GLI2: variants seen among roughly 807,000 people sequenced by gnomAD.
GLI2 encodes the protein transcription activator GLI2.
Under a neutral mutation model 78.9 loss-of-function variants are expected in GLI2, and 22 were observed. That is an observed-to-expected ratio of 0.28 (90% CI 0.20 to 0.40). The LOEUF is 0.40. GLI2 is among the 10% of genes least tolerant of loss of function. The pLI is 1.00. For synonymous variants in GLI2, 974 were observed against 963.7 expected (o/e 1.01, Z -0.20); for missense variants, 2,097 against 2,213.2 (o/e 0.95, Z 1.05).
chr2:120,886,905 C>T (rs867389449), intron 2 of GLI2, among the ~76,000 whole-genome samples: 2 of 152,176 alleles, frequency 1.3e-5, no homozygotes, highest in Admixed American at 6.5e-5. Context: ...CTGTGTCAGG[C>T]GAGGCACATC....
At position 120,885,243 on chromosome 2, in the gene GLI2, C is replaced by T. The variant is rs1394890834; in HGVS notation, c.149-42118C>T. ...TGCCTTTCTCTGTTGCTGGGCCTGGCCCATGGAAGAGACCCAGTAAATAGA... is the reference window on the plus strand; with the variant it reads ...TGCCTTTCTCTGTTGCTGGGCCTGGTCCATGGAAGAGACCCAGTAAATAGA... On this transcript the variant is annotated intron_variant, in intron 2 of 13. Coordinates refer to ENST00000361492, the MANE Select transcript of GLI2 (RefSeq NM_001374353.1). 2.6e-5 allele frequency among the ~76,000 whole-genome samples: 4 copies of T among 152,316 alleles called. No individual in the cohort carries two copies. In the East Asian group the frequency reaches 7.7e-4, roughly 29 times the overall value.
chr2:120,970,010 G>A (rs1265625662), intron 6 of GLI2, among the ~76,000 whole-genome samples: 1 of 152,190 alleles, frequency 6.6e-6, no homozygotes, highest in African/African-American at 2.4e-5. Context: ...CAAGATTCCT[G>A]GATGAGGGGG....
At chr2:120,823,145 C>A (rs1470730417) in intron 2 of GLI2, among the ~76,000 whole-genome samples, 1 of 152,202 alleles carries the variant, frequency 6.6e-6, no homozygotes, top group Non-Finnish European at 1.5e-5. Context: ...GGCCGCACAC[C>A]GTCTTTGGTA....
intron 2 of GLI2, among the ~76,000 whole-genome samples, chr2:120,899,406 TACACAC>T (rs71398006): frequency 0.046 from 6,770 of 146,502 alleles, 187 homozygotes; most frequent in Middle Eastern, 0.077. Context: ...TACACACACA[TACACAC>T]ACACACACAC....
intron 3 of GLI2, among the ~76,000 whole-genome samples, chr2:120,951,016 T>A (rs1573659214): frequency 6.6e-6 from 1 of 152,168 alleles, no homozygotes; most frequent in Admixed American, 6.5e-5. Flanking sequence ...GGCCGGCGGG[T>A]GCACGCACCA....
intron 2 of GLI2, among the ~76,000 whole-genome samples, chr2:120,854,528 A>T (rs1487692850): frequency 6.6e-6 from 1 of 152,230 alleles, no homozygotes; most frequent in Non-Finnish European, 1.5e-5. Flanking sequence ...TCAGGATCCC[A>T]GAAGAACCTT....
chr2:120,842,058 CA>C (rs571517244), intron 2 of GLI2, among the ~76,000 whole-genome samples: 8,600 of 74,472 alleles, frequency 0.12, 253 homozygotes, highest in East Asian at 0.23. Flanking sequence ...TTTGTCAACT[CA>C]AAAAAAAAAA....
intron 2 of GLI2, among the ~76,000 whole-genome samples, chr2:120,884,120 T>C (rs1406613146): frequency 6.6e-6 from 1 of 152,176 alleles, no homozygotes; most frequent in Non-Finnish European, 1.5e-5. Context: ...AACACCAGCT[T>C]TCCTGGCCTA....
chr2:120,831,515 C>T (rs963382845), intron 2 of GLI2, among the ~76,000 whole-genome samples: 1 of 152,126 alleles, frequency 6.6e-6, no homozygotes, highest in Non-Finnish European at 1.5e-5. Flanking sequence ...CAGCTCACAC[C>T]CAGGAAAATA....
intron 2 of GLI2, among the ~76,000 whole-genome samples, chr2:120,912,198 GT>G (rs1678856610): frequency 6.6e-6 from 1 of 150,642 alleles, no homozygotes; most frequent in Non-Finnish European, 1.5e-5. Context: ...CTTAAACCCT[GT>G]TTATTTAAAA....
At chr2:120,849,995 A>G (rs1317884925) in intron 2 of GLI2, among the ~76,000 whole-genome samples, 1 of 152,256 alleles carries the variant, frequency 6.6e-6, no homozygotes, top group Non-Finnish European at 1.5e-5. Context: ...CATTTCATGA[A>G]AAGAAGAAGA....
chr2:120,951,199 C>T, intron 3 of GLI2, 44 bp from the exon 4 acceptor site: 4 of 1,146,218 alleles, frequency 3.5e-6, no homozygotes, highest in Non-Finnish European at 1.3e-6. Context: ...GGTGGGGTTC[C>T]CTCTGTGTCC....
intron 2 of GLI2, among the ~76,000 whole-genome samples, chr2:120,919,443 C>T (rs547136294): frequency 4.6e-5 from 7 of 152,216 alleles, no homozygotes; most frequent in Admixed American, 2.6e-4. Flanking sequence ...GCTTTGTGTG[C>T]GAGTGCTGGC....
chr2:120,901,938 G>T (rs569122230), intron 2 of GLI2, among the ~76,000 whole-genome samples: 1 of 152,066 alleles, frequency 6.6e-6, no homozygotes, highest in East Asian at 1.9e-4. Flanking sequence ...GTAGAAAATC[G>T]TATTAATTTG....
intron 1 of GLI2, among the ~76,000 whole-genome samples, chr2:120,775,604 C>T (rs1395679790): frequency 6.6e-6 from 1 of 152,156 alleles, no homozygotes; most frequent in Non-Finnish European, 1.5e-5. Flanking sequence ...GGGAGAGTAC[C>T]CCCCAGAGTA....
chr2:120,935,719 C>G (rs1363205623), intron 3 of GLI2, among the ~76,000 whole-genome samples: 1 of 152,196 alleles, frequency 6.6e-6, no homozygotes, highest in Non-Finnish European at 1.5e-5. Flanking sequence ...ACCCCCCACC[C>G]CTTGCTAAAA....
At chr2:120,944,879 G>A (rs759059449) in intron 3 of GLI2, among the ~76,000 whole-genome samples, 7 of 152,278 alleles carry the variant, frequency 4.6e-5, no homozygotes, top group Admixed American at 1.3e-4. Flanking sequence ...AGCAGCAGCA[G>A]CATCCCTGTG....
chr2:120,987,745 C>G (rs775264996), intron 13 of GLI2, among the ~76,000 whole-genome samples: 2 of 152,186 alleles, frequency 1.3e-5, no homozygotes, highest in Non-Finnish European at 2.9e-5. Flanking sequence ...CTGCGTAACT[C>G]AGTCCTACGG....
chr2:120,741,012 C>G (rs1682520197), intron 1 of GLI2, among the ~76,000 whole-genome samples: 1 of 152,208 alleles, frequency 6.6e-6, no homozygotes, highest in African/African-American at 2.4e-5. Flanking sequence ...CCGGTTGAGC[C>G]TGTATGCAAC....
Sources: gnomAD v4.1 joint callset for allele counts (sites outside exome capture counted in the v4.1 genomes callset) on GRCh38, gnomAD v4.1.1 for gene constraint, MANE v1.5 for transcripts, NCBI Gene and HGNC (gene_info 2026-07-23, HGNC 2026-07-21) for gene names.